IGF1R: variants seen among roughly 807,000 people sequenced by gnomAD.
IGF1R encodes the protein insulin-like growth factor 1 receptor.
In IGF1R, 44 loss-of-function variants were observed where a neutral mutation model predicts 144.6. The ratio of observed to expected loss-of-function variants is 0.30; its 90% confidence interval spans 0.24 to 0.39. The LOEUF (loss-of-function observed/expected upper bound fraction) is 0.39. IGF1R is among the 10% of genes least tolerant of loss of function. IGF1R has a pLI of 1.00. For synonymous variants in IGF1R, 795 were observed against 722.8 expected (o/e 1.10, Z -1.60); for missense variants, 1,355 against 1,833.7 (o/e 0.74, Z 4.77).
At chr15:98,874,688 T>A (rs1300386165) in intron 2 of IGF1R, among the ~76,000 whole-genome samples, 1 of 152,220 alleles carries the variant, frequency 6.6e-6, no homozygotes, top group Non-Finnish European at 1.5e-5. Flanking sequence ...GATCTTGAGT[T>A]GCTTTCAGCT....
At chr15:98,817,494 C>A (rs530265979) in intron 2 of IGF1R, among the ~76,000 whole-genome samples, 49 of 151,974 alleles carry the variant, frequency 3.2e-4, no homozygotes, top group African/African-American at 1.2e-3. Flanking sequence ...TGCTGTATTA[C>A]GCTGGGTAGT....
At chr15:98,779,307 T>C in intron 2 of IGF1R, among the ~76,000 whole-genome samples, 1 of 152,234 alleles carries the variant, frequency 6.6e-6, no homozygotes, top group East Asian at 1.9e-4. Flanking sequence ...GATTCTAAAA[T>C]TTAGCTTTTA....
intron 2 of IGF1R, among the ~76,000 whole-genome samples, chr15:98,793,417 C>T (rs1382018699): frequency 6.6e-6 from 1 of 152,184 alleles, no homozygotes; most frequent in Non-Finnish European, 1.5e-5. Flanking sequence ...TCAGATGTTC[C>T]TGTTACTGTT....
chr15:98,834,155 T>A (rs992842210), intron 2 of IGF1R, among the ~76,000 whole-genome samples: 1 of 152,248 alleles, frequency 6.6e-6, no homozygotes, highest in African/African-American at 2.4e-5. Context: ...AAGTTACAAG[T>A]TTACAGCTTG....
intron 2 of IGF1R, among the ~76,000 whole-genome samples, chr15:98,853,367 G>T (rs910298386): frequency 5.3e-5 from 8 of 152,178 alleles, no homozygotes; most frequent in African/African-American, 1.7e-4. Context: ...CTGCCTGGAA[G>T]ATGCGGAGCG....
At chr15:98,696,771 T>G (rs375995869) in intron 1 of IGF1R, among the ~76,000 whole-genome samples, 6 of 152,266 alleles carry the variant, frequency 3.9e-5, no homozygotes, top group Non-Finnish European at 5.9e-5. Flanking sequence ...TGATTTTTTT[T>G]GGGAAGCTAA....
intron 6 of IGF1R, 50 bp downstream of exon 6, chr15:98,908,949 C>A (rs2151670523): frequency 6.6e-7 from 1 of 1,510,286 alleles, no homozygotes; most frequent in Non-Finnish European, 9.1e-7. Context: ...ATGATAACAG[C>A]AGACCCTCCT....
chr15:98,681,197 G>T (rs934805646), intron 1 of IGF1R, among the ~76,000 whole-genome samples: 1 of 152,280 alleles, frequency 6.6e-6, no homozygotes, highest in South Asian at 2.1e-4. Flanking sequence ...GTTATGTTAG[G>T]ATTCTGTGTC....
Position 98,935,182 on chromosome 15 carries a change from C to A in IGF1R, c.3186+129C>A. The A allele has an allele frequency of 1.0e-6, 1 of 956,956 alleles. No individual in the cohort carries two copies. Among genetic ancestry groups the A allele is most frequent in the Non-Finnish European group, 1.7e-6 (1 of 605,190 alleles). 59.3% of individuals were successfully genotyped at this position (956,956 alleles called of 1,614,324 possible). ...TGCCTTTGCCTTCTGGATAGTTACC[C>A]CATTACCTCACTGCTACCTTCAGAC... On this transcript the variant is annotated intron_variant, in intron 16 of 20. Transcript: ENST00000650285. The surrounding 1 kb of genome is among the most constrained non-coding windows in gnomAD (Gnocchi z 4.2).
At chr15:98,925,539 A>G (rs376125589) in intron 13 of IGF1R, among the ~76,000 whole-genome samples, 22 of 152,348 alleles carry the variant, frequency 1.4e-4, no homozygotes, top group Middle Eastern at 3.4e-3. Context: ...TAGTGGTAAC[A>G]CTTTTGGGTC....
chr15:98,845,691 A>G (rs2011303008), intron 2 of IGF1R, among the ~76,000 whole-genome samples: 1 of 151,832 alleles, frequency 6.6e-6, no homozygotes, highest in Non-Finnish European at 1.5e-5. Context: ...CATCTGAATC[A>G]TCACTTGCTT....
chr15:98,760,339 G>A (rs2055263165), intron 2 of IGF1R, among the ~76,000 whole-genome samples: 1 of 150,874 alleles, frequency 6.6e-6, no homozygotes, highest in Non-Finnish European at 1.5e-5. Context: ...GCAACAGAGA[G>A]AGACTGCCTC....
intron 2 of IGF1R, among the ~76,000 whole-genome samples, chr15:98,878,251 C>G (rs2013162901): frequency 6.6e-6 from 1 of 152,228 alleles, no homozygotes; most frequent in African/African-American, 2.4e-5. Flanking sequence ...CTACGGGACA[C>G]AGGCCTGCCT....
At chr15:98,850,042 C>T (rs1401792550) in intron 2 of IGF1R, among the ~76,000 whole-genome samples, 1 of 152,206 alleles carries the variant, frequency 6.6e-6, no homozygotes, top group Non-Finnish European at 1.5e-5. Context: ...GGCATTTACC[C>T]CATAGACTTG....
rs374083643 is a variant in IGF1R at position 98,794,586 on chromosome 15, G to A, written c.640+86479G>A. Reference sequence around the variant, plus strand: ...TAAGCAAACTGTCTCCATTAGGTAAGTGGCATTCTGATTTGTCTGTGTAAA... The same window carrying A: ...TAAGCAAACTGTCTCCATTAGGTAAATGGCATTCTGATTTGTCTGTGTAAA... On this transcript the variant is annotated intron_variant, in intron 2 of 20. Coordinates refer to ENST00000650285, the MANE Select transcript of IGF1R (RefSeq NM_000875.5). 2.3e-3 allele frequency among the ~76,000 whole-genome samples: 357 copies of A among 152,300 alleles called. 1 individual carries two copies. Among genetic ancestry groups the A allele is most frequent in the African/African-American group, 8.3e-3 (343 of 41,564 alleles).
Position 98,810,828 on chromosome 15 carries a change from G to A in IGF1R, c.641-80497G>A, listed in dbSNP as rs565526041. ...CTCCCAAAGGGCTGGGATTACAGGC[G>A]TGAGCCACCACGCCCAGCCTCTAAA... is the stretch of plus-strand genomic sequence containing the variant. On this transcript the variant is annotated intron_variant, in intron 2 of 20. Transcript: ENST00000650285. 2.7e-3 allele frequency among the ~76,000 whole-genome samples: 406 copies of A among 151,958 alleles called. 2 individuals carry two copies. The highest frequency in any genetic ancestry group is 0.012 in the South Asian group (60 of 4,826).
At chr15:98,667,368 G>C (rs10902605) in intron 1 of IGF1R, among the ~76,000 whole-genome samples, 138,489 of 152,156 alleles carry the variant, frequency 0.91, 63,347 homozygotes, top group Non-Finnish European at 0.96. Context: ...TAAATGGACT[G>C]CCTCATTACA....
chr15:98,672,891 C>T (rs925668328), intron 1 of IGF1R, among the ~76,000 whole-genome samples: 4 of 152,170 alleles, frequency 2.6e-5, no homozygotes, highest in Non-Finnish European at 5.9e-5. Flanking sequence ...ACAAATGTTT[C>T]TGGGTGGGAT....
chr15:98,881,003 A>G (rs1323616525), intron 2 of IGF1R, among the ~76,000 whole-genome samples: 1 of 152,218 alleles, frequency 6.6e-6, no homozygotes, highest in Non-Finnish European at 1.5e-5. Context: ...TTCTTCATCA[A>G]TTCATGTAGC....
Sources: gnomAD v4.1 joint callset for allele counts (sites outside exome capture counted in the v4.1 genomes callset) on GRCh38, gnomAD v4.1.1 for gene constraint, Gnocchi (gnomAD v3.1) non-coding constraint, MANE v1.5 for transcripts, NCBI Gene and HGNC (gene_info 2026-07-23, HGNC 2026-07-21) for gene names.